The following CDH18 variants were observed in gnomAD, a reference collection of about 807,000 sequenced individuals.
CDH18 encodes cadherin-18.
In CDH18, 31 loss-of-function variants were observed where a neutral mutation model predicts 67.9. The ratio of observed to expected loss-of-function variants is 0.46; its 90% CI spans 0.34 to 0.62. CDH18 has a LOEUF of 0.62. CDH18 is among the 20% of genes least tolerant of loss of function. The pLI, the probability that CDH18 is intolerant of heterozygous loss-of-function variation, is 0.01. For synonymous variants in CDH18, 362 were observed against 347.2 expected (o/e 1.04, Z -0.48); for missense variants, 890 against 975.5 (o/e 0.91, Z 1.17).
At chr5:19,489,300 T>G (rs1053528300) in intron 11 of CDH18, among the ~76,000 whole-genome samples, 2 of 147,512 alleles carry the variant, frequency 1.4e-5, no homozygotes, top group African/African-American at 2.5e-5. Context: ...CAGGCTGGAG[T>G]GCAGTGGTGC....
intron 5 of CDH18, among the ~76,000 whole-genome samples, chr5:19,636,580 A>T (rs982498831): frequency 6.6e-6 from 1 of 151,904 alleles, no homozygotes; most frequent in Non-Finnish European, 1.5e-5. Context: ...ATATACTGCT[A>T]CCTCTAATCT....
intron 2 of CDH18, among the ~76,000 whole-genome samples, chr5:20,075,297 G>T (rs536169578): frequency 6.6e-5 from 10 of 152,240 alleles, no homozygotes; most frequent in African/African-American, 2.2e-4. Context: ...GAGGTCAGGA[G>T]ATCGAGACCG....
intron 1 of CDH18, among the ~76,000 whole-genome samples, chr5:20,328,646 C>A (rs1012997469): frequency 2.6e-5 from 4 of 152,242 alleles, no homozygotes; most frequent in African/African-American, 9.6e-5. Context: ...GCCTACTCCT[C>A]ATCTTTGGCT....
chr5:20,091,343 T>C (rs1181949018), intron 2 of CDH18, among the ~76,000 whole-genome samples: 1 of 151,806 alleles, frequency 6.6e-6, no homozygotes, highest in African/African-American at 2.4e-5. Flanking sequence ...GTTAAAAACT[T>C]AGCTGGGCAC....
At chr5:19,784,017 A>AT (rs540520947) in intron 3 of CDH18, among the ~76,000 whole-genome samples, 98 of 152,256 alleles carry the variant, frequency 6.4e-4, no homozygotes, top group African/African-American at 2.3e-3. Flanking sequence ...GAGTAAAAAC[A>AT]TTTTATTTTA....
chr5:20,179,958 T>C (rs1737553183), intron 2 of CDH18, among the ~76,000 whole-genome samples: 2 of 152,080 alleles, frequency 1.3e-5, no homozygotes, highest in Non-Finnish European at 2.9e-5. Flanking sequence ...TACATAGACA[T>C]GTGTAGGAAG....
intron 9 of CDH18, among the ~76,000 whole-genome samples, chr5:19,522,303 T>C (rs1035835389): frequency 1.3e-5 from 2 of 152,096 alleles, no homozygotes; most frequent in Non-Finnish European, 2.9e-5. Context: ...TCATTCTTAA[T>C]GGTGAAAAAT....
intron 8 of CDH18, among the ~76,000 whole-genome samples, chr5:19,555,018 T>C (rs1265784918): frequency 6.6e-6 from 1 of 152,158 alleles, no homozygotes; most frequent in Non-Finnish European, 1.5e-5. Flanking sequence ...TACTCTAATA[T>C]AACTGTGACA....
chr5:19,613,400 G>A (rs1026427641), intron 5 of CDH18, among the ~76,000 whole-genome samples: 7 of 152,238 alleles, frequency 4.6e-5, no homozygotes, highest in African/African-American at 1.7e-4. Context: ...TAGGCAGGAG[G>A]CATATTAACA....
intron 1 of CDH18, among the ~76,000 whole-genome samples, chr5:20,457,980 A>C (rs987642439): frequency 6.6e-6 from 1 of 152,208 alleles, no homozygotes; most frequent in Non-Finnish European, 1.5e-5. Context: ...CAGTTGACTA[A>C]GAAAATTATC....
intron 1 of CDH18, among the ~76,000 whole-genome samples, chr5:20,573,896 TATATATATGTATTTATATATATAAAAGAA>T (rs1758964696): frequency 1.6e-5 from 2 of 123,368 alleles, no homozygotes; most frequent in Non-Finnish European, 3.3e-5. Context: ...ATAAAAGAAA[TATATATATGTATTTATATATATAAAAGAA>T]ATATATATAT....
chr5:20,176,341 T>C (rs1202890513), intron 2 of CDH18, among the ~76,000 whole-genome samples: 1 of 152,214 alleles, frequency 6.6e-6, no homozygotes, highest in Non-Finnish European at 1.5e-5. Flanking sequence ...GATATTTTTC[T>C]TGTATTTAAT....
rs1255944358 is a variant in CDH18, at chr5:19,544,011, GA to G, written c.1254-7del. 7 of 1,507,398 alleles carry G rather than the reference GA, an allele frequency of 4.6e-6. No individual in the cohort carries two copies. Among genetic ancestry groups the G allele is most frequent in the African/African-American group, 1.4e-5 (1 of 71,888 alleles). 93.4% of individuals were successfully genotyped at this position (1,507,398 alleles called of 1,614,324 possible). ...CATTGTAGTTGATGAAGTATCTAGA[GA>G]AAAAAAGAGAAGTTTTTACTTGATG... On this transcript the variant is annotated splice_region_variant and splice_polypyrimidine_tract_variant and intron_variant, in intron 8 of 12. Transcript: ENST00000382275.
At chr5:19,715,451 C>G (rs370556854) in intron 5 of CDH18, among the ~76,000 whole-genome samples, 10 of 152,196 alleles carry the variant, frequency 6.6e-5, no homozygotes, top group East Asian at 1.9e-4. Context: ...TTGTTTCAGA[C>G]AGAGCATGGC....
intron 6 of CDH18, among the ~76,000 whole-genome samples, chr5:19,600,589 T>C (rs988162387): frequency 2.0e-5 from 3 of 151,216 alleles, no homozygotes; most frequent in Non-Finnish European, 4.4e-5. Flanking sequence ...AATTTATTTT[T>C]CTGTCCTTTT....
chr5:19,592,935 GTGAC>G (rs1360115997), intron 6 of CDH18, among the ~76,000 whole-genome samples: 1 of 151,932 alleles, frequency 6.6e-6, no homozygotes, highest in Non-Finnish European at 1.5e-5. Flanking sequence ...TTGCCCTTCA[GTGAC>G]TGGTTGATTT....
At chr5:19,687,187 G>T (rs557610495) in intron 5 of CDH18, among the ~76,000 whole-genome samples, 1 of 152,090 alleles carries the variant, frequency 6.6e-6, no homozygotes, top group Non-Finnish European at 1.5e-5. Flanking sequence ...GACTGGCTTG[G>T]GGAGCTACCT....
At chr5:20,329,533 C>A (rs1738954678) in intron 1 of CDH18, among the ~76,000 whole-genome samples, 1 of 151,942 alleles carries the variant, frequency 6.6e-6, no homozygotes, top group African/African-American at 2.4e-5. Context: ...GAGGCCGAGG[C>A]AGGCGGATCA....
At chr5:20,212,444 C>T (rs1266124041) in intron 2 of CDH18, among the ~76,000 whole-genome samples, 1 of 152,048 alleles carries the variant, frequency 6.6e-6, no homozygotes, top group South Asian at 2.1e-4. Context: ...CAAAGATACT[C>T]CTCGAGAAGA....
Sources: allele counts gnomAD v4.1 joint callset (sites outside exome capture counted in the v4.1 genomes callset), GRCh38; gene constraint gnomAD v4.1.1; transcripts MANE v1.5; gene names NCBI Gene and HGNC (gene_info 2026-07-23, HGNC 2026-07-21).